SLC19A1: variants seen among roughly 807,000 people sequenced by gnomAD.
The protein encoded by SLC19A1 is reduced folate transporter.
In SLC19A1, 37 loss-of-function variants were observed where a neutral mutation model predicts 35.3. The ratio of observed to expected loss-of-function variants is 1.05; its 90% confidence interval spans 0.81 to 1.38. The LOEUF (loss-of-function observed/expected upper bound fraction) is 1.38. Ranked by LOEUF, SLC19A1 falls within the 40% of genes most tolerant of loss-of-function variation. The pLI, the probability that SLC19A1 is intolerant of heterozygous loss-of-function variation, is 0.00. For synonymous variants in SLC19A1, 460 were observed against 398.5 expected, an observed-to-expected ratio of 1.15 and a Z score of -1.84; for missense variants, 831 against 826.9, an observed-to-expected ratio of 1.00 and a Z score of -0.06.
chr21:45,502,659 C>T (rs998929570), intron 3 of SLC19A1: 1 of 152,174 alleles, frequency 6.6e-6, no homozygotes, highest in East Asian at 1.9e-4. Flanking sequence ...CAGCAACAAG[C>T]AGGGATTTCA....
chr21:45,536,553 T>C (rs2078118451), intron 2 of SLC19A1: 1 of 153,934 alleles, frequency 6.5e-6, no homozygotes, highest in African/African-American at 2.4e-5. Flanking sequence ...AGCCTGGCGG[T>C]TAGCAGTGCT....
At position 45,534,766 on chromosome 21, in the gene SLC19A1, T is replaced by A; in HGVS notation, c.190-2618A>T. The A allele has an allele frequency of 1.6e-6, 1 of 615,902 alleles. No individual in the cohort carries two copies. The highest frequency in any genetic ancestry group is 2.8e-6 in the Non-Finnish European group (1 of 353,236). The allele number at this position is 615,902 out of a possible 1,614,324, so 38.2% of individuals were successfully genotyped here. The stretch of plus-strand genomic sequence containing the variant: ...AGCAGGGAGGCTCTGCCCAGAGCTG[T>A]GACCTGCGTCCCACTTACAAGGCTG... On this transcript the variant is annotated intron_variant, in intron 2 of 5. Transcript: ENST00000311124. The surrounding 1 kb of genome is among the most constrained non-coding windows in gnomAD (Gnocchi z 4.2).
chr21:45,542,811 G>GACCCCCCCT (rs910235900), upstream of SLC19A1, among the ~76,000 whole-genome samples: 2 of 102,992 alleles, frequency 1.9e-5, no homozygotes, highest in African/African-American at 7.7e-5. Flanking sequence ...GTCCCCTCCT[G>GACCCCCCCT]ACCCCCCCTC....
At position 45,534,611 on chromosome 21, in the gene SLC19A1, C is replaced by T; in HGVS notation, c.190-2463G>A. On this transcript the variant is annotated intron_variant, in intron 2 of 5. Transcript: ENST00000311124. The surrounding 1 kb of genome is among the most constrained non-coding windows in gnomAD (Gnocchi z 4.2). ...CTCTGCAGGCTGGGGCCTCATCAGGCACCTCCTGGTCTTAGTTGAGGGTCT... is the reference window on the plus strand; with the variant it reads ...CTCTGCAGGCTGGGGCCTCATCAGGTACCTCCTGGTCTTAGTTGAGGGTCT... 1 of 1,535,636 alleles carries T rather than the reference C, an allele frequency of 6.5e-7. No homozygotes were observed.
At position 45,537,757 on chromosome 21, in the gene SLC19A1, C is replaced by CGGCACCCA. The variant is rs767604380; in HGVS notation, c.189+6_189+13dup. 2 of 1,403,520 alleles carry CGGCACCCA rather than the reference C, an allele frequency of 1.4e-6. No homozygotes were observed. Among genetic ancestry groups the CGGCACCCA allele is most frequent in the African/African-American group, 1.5e-5 (1 of 67,566 alleles). The allele number at this position is 1,403,520 out of a possible 1,614,324, so 86.9% of individuals were successfully genotyped here. ...ACCCACAGGCGGCCGCCCGGCACCC[C>CGGCACCCA]GGCACCCACATGCCTGCTCCCGCGT... On this transcript the variant is annotated intron_variant, in intron 2 of 5. Coordinates refer to ENST00000311124, the MANE Select transcript of SLC19A1 (RefSeq NM_194255.4).
chr21:45,541,587 C>A (rs1446985180), intron 1 of SLC19A1, among the ~76,000 whole-genome samples: 1 of 152,206 alleles, frequency 6.6e-6, no homozygotes, highest in Non-Finnish European at 1.5e-5. Flanking sequence ...CCTGCTGTAG[C>A]GGTGTTGGAA....
At chr21:45,541,538 A>G (rs1190410876) in intron 1 of SLC19A1, among the ~76,000 whole-genome samples, 4 of 152,198 alleles carry the variant, frequency 2.6e-5, no homozygotes, top group Admixed American at 2.6e-4. Flanking sequence ...TCCCCAGGAC[A>G]GGAGTTTCCG....
chr21:45,506,096 T>C, intron 3 of SLC19A1: 1 of 1,424,370 alleles, frequency 7.0e-7, no homozygotes, highest in Non-Finnish European at 9.7e-7. Context: ...TTCTTAAACT[T>C]TCAAACTTTT....
intron 5 of SLC19A1, 52 bp from the exon 6 acceptor site, chr21:45,516,192 G>A (rs1371184891): frequency 1.4e-6 from 2 of 1,433,450 alleles, no homozygotes; most frequent in Admixed American, 3.7e-5. Context: ...CTGGGACACT[G>A]GCACCCTACA....
intron 5 of SLC19A1, among the ~76,000 whole-genome samples, chr21:45,519,320 G>A (rs1169447620): frequency 6.6e-6 from 1 of 152,084 alleles, no homozygotes; most frequent in Non-Finnish European, 1.5e-5. Context: ...CGAAATGGCA[G>A]ACTTAGGCCC....
chr21:45,560,498 T>C (rs2078605074), intron 1 of SLC19A1, among the ~76,000 whole-genome samples: 2 of 151,834 alleles, frequency 1.3e-5, no homozygotes, highest in Admixed American at 1.3e-4. Context: ...GGAGGGGTCT[T>C]GGAGACGCCA....
At chr21:45,504,150 C>G in intron 3 of SLC19A1, 1 of 1,410,998 alleles carries the variant, frequency 7.1e-7, no homozygotes, top group Non-Finnish European at 1.0e-6. Context: ...GCCCAAGCCC[C>G]CTTCCTGTTC....
Position 45,503,963 on chromosome 21 carries a change from G to A in SLC19A1, c.498-5351C>T, listed in dbSNP as rs370370535. On this transcript the variant is annotated intron_variant, in intron 3 of 4. Coordinates refer to the SLC19A1 transcript ENST00000417954. The stretch of plus-strand genomic sequence containing the variant: ...CTGGGGGCTGCAGAGGGAACCCGGC[G>A]CTGTCAGACACCACCTCAGCGAGAC... 4.8e-5 allele frequency: 77 copies of A among 1,610,986 alleles called. No homozygotes were observed. In the African/African-American group the frequency reaches 6.8e-4, roughly 14 times the overall value.
Position 45,515,170 on chromosome 21 carries a change from A to G in SLC19A1, c.*488T>C. On this transcript the variant is annotated 3_prime_UTR_variant, in exon 6 of 6. Transcript: ENST00000311124. ...TCTTCATTCTACGTCAGTTAAAAAA[A>G]AAAAAAGCATCTTTCAAAAAAGCAA... 2 of 1,524,454 alleles carry G rather than the reference A, an allele frequency of 1.3e-6. No homozygotes were observed. Among genetic ancestry groups the G allele is most frequent in the Non-Finnish European group, 1.8e-6 (2 of 1,140,368 alleles). The allele number at this position is 1,524,454 out of a possible 1,614,324, so 94.4% of individuals were successfully genotyped here.
At chr21:45,539,845 G>A (rs1359996375) in intron 1 of SLC19A1, among the ~76,000 whole-genome samples, 6 of 152,200 alleles carry the variant, frequency 3.9e-5, no homozygotes. Flanking sequence ...GCAGGGAAGA[G>A]GGGGAAGGGT....
intron 1 of SLC19A1, among the ~76,000 whole-genome samples, chr21:45,561,779 TAATA>T (rs2078617147): frequency 6.6e-6 from 1 of 150,654 alleles, no homozygotes. Context: ...AATAAATAAA[TAATA>T]AATAATTAAA....
At chr21:45,527,425 C>T (rs925573831) in intron 4 of SLC19A1, among the ~76,000 whole-genome samples, 2 of 109,434 alleles carry the variant, frequency 1.8e-5, no homozygotes, top group Non-Finnish European at 3.7e-5. Flanking sequence ...TGGCAGCGGG[C>T]AGGGTGGGCC....
chr21:45,516,196 C>T (rs1271918110), intron 5 of SLC19A1, 56 bp from the exon 6 acceptor site: 11 of 1,384,106 alleles, frequency 7.9e-6, no homozygotes, highest in South Asian at 1.3e-5. Context: ...GACACTGGCA[C>T]CCTACACCCC....
At chr21:45,519,033 T>C (rs1568975370) in intron 5 of SLC19A1, among the ~76,000 whole-genome samples, 2 of 152,220 alleles carry the variant, frequency 1.3e-5, no homozygotes, top group Non-Finnish European at 2.9e-5. Context: ...AATTACAATA[T>C]TTTCTTATGT....
Sources: allele counts gnomAD v4.1 joint callset (sites outside exome capture counted in the v4.1 genomes callset), GRCh38; gene constraint gnomAD v4.1.1; non-coding constraint Gnocchi (gnomAD v3.1); transcripts MANE v1.5; gene names NCBI Gene and HGNC (gene_info 2026-07-23, HGNC 2026-07-21).